Variants in DCDC1 observed in about 807,000 individuals in gnomAD.
DCDC1 encodes the protein doublecortin domain containing 1, also known as doublecortin domain-containing protein 1.
Under a neutral mutation model 178.3 loss-of-function variants are expected in DCDC1, and 200 were observed. The observed-to-expected ratio is 1.12, with a 90% confidence interval of 1.00 to 1.26. DCDC1 has a LOEUF of 1.26. DCDC1 is among the 50% of genes most tolerant of loss of function. DCDC1 has a pLI of 0.00. For missense variants in DCDC1, 1,983 were observed against 1,749.2 expected, an observed-to-expected ratio of 1.13 and a Z score of -2.38; for synonymous variants, 690 against 604.8, an observed-to-expected ratio of 1.14 and a Z score of -2.07.
intron 7 of DCDC1, among the ~76,000 whole-genome samples, chr11:31,266,110 A>T (rs1036066589): frequency 3.9e-5 from 6 of 152,102 alleles, no homozygotes; most frequent in Admixed American, 2.0e-4. Context: ...TCCTAAAATA[A>T]ATAATAAAAA....
rs539733096 is a variant in DCDC1 at position 30,921,765 on chromosome 11, C to T, written c.3133+738G>A. ...CAGTGAGGACACTGCCCATTGTCCC[C>T]TTTTGAGCTACCCTTGCTACTCCAA... On this transcript the variant is annotated intron_variant, in intron 24 of 38. Coordinates refer to ENST00000684477, the MANE Select transcript of DCDC1 (RefSeq NM_001387274.1). 2.0e-5 allele frequency among the ~76,000 whole-genome samples: 3 copies of T among 152,288 alleles called. No individual in the cohort carries two copies. The East Asian group carries it at 5.8e-4, about 29-fold the overall frequency.
At chr11:31,300,631 A>T (rs1278589384) in intron 6 of DCDC1, among the ~76,000 whole-genome samples, 1 of 152,090 alleles carries the variant, frequency 6.6e-6, no homozygotes, top group African/African-American at 2.4e-5. Flanking sequence ...CTCTCCTAAC[A>T]AGATATCTAA....
intron 31 of DCDC1, 182 bp from the exon 32 acceptor site, chr11:30,903,865 C>T (rs765086431): frequency 1.7e-5 from 8 of 478,060 alleles, no homozygotes; most frequent in Non-Finnish European, 2.4e-5. Context: ...GATTGTCCTA[C>T]CTAATTTCAC....
intron 34 of DCDC1, among the ~76,000 whole-genome samples, chr11:30,895,219 T>C (rs1319014559): frequency 6.6e-6 from 1 of 152,204 alleles, no homozygotes; most frequent in African/African-American, 2.4e-5. Context: ...AGGTGTTGTG[T>C]TGGATAATGC....
intron 31 of DCDC1, 68 bp downstream of exon 31, chr11:30,904,889 TTTTC>T: frequency 6.3e-7 from 1 of 1,576,790 alleles, no homozygotes; most frequent in Admixed American, 1.7e-5. Flanking sequence ...TCCCACTGCT[TTTTC>T]TTTAAGAAGA....
chr11:31,135,163 T>G (rs771873815), intron 10 of DCDC1, among the ~76,000 whole-genome samples: 2 of 152,218 alleles, frequency 1.3e-5, no homozygotes, highest in Non-Finnish European at 2.9e-5. Context: ...AAGATCTAAA[T>G]CTCAGATTTT....
chr11:31,338,113 G>A (rs911625819), intron 1 of DCDC1, among the ~76,000 whole-genome samples: 1 of 152,148 alleles, frequency 6.6e-6, no homozygotes, highest in African/African-American at 2.4e-5. Flanking sequence ...GCAGAATTAG[G>A]AGTACTCTGA....
chr11:31,225,837 G>A (rs570904504), intron 9 of DCDC1, among the ~76,000 whole-genome samples: 9 of 151,422 alleles, frequency 5.9e-5, no homozygotes, highest in East Asian at 3.9e-4. Flanking sequence ...CCAATCTTTC[G>A]TGTCTGGAGT....
chr11:31,212,303 A>T (rs937707314), intron 9 of DCDC1, among the ~76,000 whole-genome samples: 5 of 151,990 alleles, frequency 3.3e-5, no homozygotes, highest in Non-Finnish European at 2.9e-5. Flanking sequence ...TTTCCTGATT[A>T]AAAAAAACAA....
Position 31,101,290 on chromosome 11 carries a change from G to T in DCDC1, c.1983+887C>A, listed in dbSNP as rs561596993. On this transcript the variant is annotated intron_variant, in intron 15 of 38. Transcript: ENST00000684477. Reference sequence around the variant, plus strand: ...TGAGCAACAACCGTACACAGCACTTGCCAGCTAAGAAAAACAAAATAAGTA... The same window carrying T: ...TGAGCAACAACCGTACACAGCACTTTCCAGCTAAGAAAAACAAAATAAGTA... Among the ~76,000 whole-genome samples, 37 of 152,148 alleles carry T rather than the reference G, an allele frequency of 2.4e-4. No homozygotes were observed. The South Asian group carries it at 7.3e-3, about 30-fold the overall frequency.
chr11:31,185,566 A>G (rs1022501507), intron 9 of DCDC1, among the ~76,000 whole-genome samples: 1 of 152,204 alleles, frequency 6.6e-6, no homozygotes, highest in East Asian at 1.9e-4. Context: ...AACTCTGCTC[A>G]GCAACCTGCA....
At chr11:31,187,904 A>G (rs1969691193) in intron 9 of DCDC1, among the ~76,000 whole-genome samples, 1 of 152,242 alleles carries the variant, frequency 6.6e-6, no homozygotes, top group Non-Finnish European at 1.5e-5. Context: ...AGGAAGCATT[A>G]ATAAAGACTG....
At chr11:30,911,214 T>C (rs1004012209) in intron 28 of DCDC1, 113 bp downstream of exon 28, 1 of 818,756 alleles carries the variant, frequency 1.2e-6, no homozygotes, top group African/African-American at 1.7e-5. Context: ...TTTAACAACA[T>C]TCAAATAGGA....
At chr11:31,000,023 C>G (rs1340936295) in intron 20 of DCDC1, among the ~76,000 whole-genome samples, 1 of 152,058 alleles carries the variant, frequency 6.6e-6, no homozygotes, top group Admixed American at 6.6e-5. Context: ...GTAAGAGGAA[C>G]CATCTGTGCT....
chr11:30,917,006 G>A lies in DCDC1; in HGVS notation c.3316C>T (p.Leu1106Phe), dbSNP rs1945889147. ...AGTGTGTGACAAGCCTTCATTCGAA[G>A]ATGAGCTCTTACGTGTGAATCTCTA... The part of the protein sequence containing the change: ...EILDSHVRAH[L>F]RMKACHTLPR... Residue 1106 changes from leucine to phenylalanine, a missense_variant, in exon 26 of 39, where the codon CTT becomes TTT. Coordinates refer to ENST00000684477, the MANE Select transcript of DCDC1 (RefSeq NM_001387274.1). The A allele has an allele frequency of 1.2e-6, 2 of 1,607,268 alleles. No homozygotes were observed. Among genetic ancestry groups the A allele is most frequent in the Non-Finnish European group, 1.7e-6 (2 of 1,177,338 alleles).
chr11:30,899,649 T>A lies in DCDC1; in HGVS notation c.4664-7A>T. 6.6e-7 allele frequency: 1 copy of A among 1,515,868 alleles called. No homozygotes were observed. Among genetic ancestry groups the A allele is most frequent in the Non-Finnish European group, 8.8e-7 (1 of 1,130,824 alleles). The allele number at this position is 1,515,868 out of a possible 1,614,324, so 93.9% of individuals were successfully genotyped here. A position where few individuals can be genotyped will look rare whatever the true frequency, so the allele number is the denominator to read the frequency against. On this transcript the variant is annotated splice_region_variant and splice_polypyrimidine_tract_variant and intron_variant, in intron 33 of 38. Transcript: ENST00000684477. ...TTTTCTGCTTTCTGCAAAGCTAGAA[T>A]AATAAAAATACAAGATATTTTATCA...
chr11:31,040,617 G>A (rs917497395), intron 20 of DCDC1, among the ~76,000 whole-genome samples: 7 of 152,098 alleles, frequency 4.6e-5, no homozygotes, highest in Admixed American at 6.6e-5. Flanking sequence ...AACAAAAGGC[G>A]TTTGCACCAA....
chr11:31,283,640 T>G (rs1946610639), intron 7 of DCDC1, among the ~76,000 whole-genome samples: 1 of 152,130 alleles, frequency 6.6e-6, no homozygotes, highest in Non-Finnish European at 1.5e-5. Context: ...AGACCTCTCC[T>G]CTCCAACTGG....
intron 7 of DCDC1, among the ~76,000 whole-genome samples, chr11:31,285,106 A>G (rs1946722713): frequency 6.6e-6 from 1 of 151,916 alleles, no homozygotes; most frequent in Non-Finnish European, 1.5e-5. Flanking sequence ...AAAAATTCTG[A>G]CTATAAATAA....
Sources: gnomAD v4.1 joint callset for allele counts (sites outside exome capture counted in the v4.1 genomes callset) on GRCh38, gnomAD v4.1.1 for gene constraint, MANE v1.5 for transcripts, NCBI Gene and HGNC (gene_info 2026-07-23, HGNC 2026-07-21) for gene names.